The following UBE2E2 variants were observed in gnomAD, a reference collection of about 807,000 sequenced individuals.
UBE2E2 encodes ubiquitin conjugating enzyme E2 E2, also known as ubiquitin-conjugating enzyme E2 E2.
Under a neutral mutation model 24.7 loss-of-function variants are expected in UBE2E2, and 6 were observed. The observed-to-expected ratio is 0.24, with a 90% confidence interval of 0.13 to 0.48. The LOEUF (loss-of-function observed/expected upper bound fraction) is 0.48, where lower values mean the gene tolerates loss of function less well. Ranked by LOEUF, UBE2E2 falls within the 20% of genes least tolerant of loss-of-function variation. The pLI is 0.99. For missense variants in UBE2E2, 169 were observed against 245.0 expected (o/e 0.69, Z 2.07); for synonymous variants, 104 against 83.6 (o/e 1.24, Z -1.33).
At chr3:23,523,050 AT>A (rs1694905428) in intron 4 of UBE2E2, among the ~76,000 whole-genome samples, 1 of 152,226 alleles carries the variant, frequency 6.6e-6, no homozygotes, top group Non-Finnish European at 1.5e-5. Flanking sequence ...AGATAAAAAA[AT>A]GAAATATGAA....
intron 3 of UBE2E2, among the ~76,000 whole-genome samples, chr3:23,303,858 G>T (rs1575547131): frequency 6.6e-6 from 1 of 152,006 alleles, no homozygotes; most frequent in Non-Finnish European, 1.5e-5. Flanking sequence ...AAGTTCTCAG[G>T]GCTCTCCTCA....
At chr3:23,451,467 C>G (rs1299784235) in intron 3 of UBE2E2, among the ~76,000 whole-genome samples, 6 of 152,186 alleles carry the variant, frequency 3.9e-5, no homozygotes, top group Non-Finnish European at 8.8e-5. Flanking sequence ...CTGAGCTGAT[C>G]GGTGTGGCAG....
At chr3:23,337,957 G>C (rs1353418864) in intron 3 of UBE2E2, among the ~76,000 whole-genome samples, 1 of 152,146 alleles carries the variant, frequency 6.6e-6, no homozygotes, top group African/African-American at 2.4e-5. Context: ...ATGACCAAAG[G>C]CTGTGGCGGC....
In UBE2E2 at chr3:23,241,715, C is replaced by G. The variant is rs151184682; in HGVS notation, c.227+24403C>G. ...ACTTCTATCAGTTTCTTATGATTAA[C>G]TGTGTTGTGTATTCCCTCCCATTAG... On this transcript the variant is annotated intron_variant, in intron 3 of 5. Coordinates refer to ENST00000396703, the MANE Select transcript of UBE2E2 (RefSeq NM_152653.4). Among the ~76,000 whole-genome samples, 965 of 152,276 alleles carry G rather than the reference C, an allele frequency of 6.3e-3. 14 individuals are homozygous for G. The highest frequency in any genetic ancestry group is 0.021 in the African/African-American group (893 of 41,550).
chr3:23,554,889 CAT>C (rs1352408385), intron 5 of UBE2E2, among the ~76,000 whole-genome samples: 5 of 151,702 alleles, frequency 3.3e-5, no homozygotes, highest in Admixed American at 2.6e-4. Context: ...AGCAAGAAAA[CAT>C]ATAATCCACT....
At chr3:23,319,852 A>AC (rs1559346311) in intron 3 of UBE2E2, among the ~76,000 whole-genome samples, 1 of 151,872 alleles carries the variant, frequency 6.6e-6, no homozygotes, top group East Asian at 1.9e-4. Context: ...ACAAAAAAAA[A>AC]CCCAAAAAAC....
At chr3:23,459,011 T>C (rs1698744353) in intron 3 of UBE2E2, among the ~76,000 whole-genome samples, 2 of 152,246 alleles carry the variant, frequency 1.3e-5, no homozygotes, top group Non-Finnish European at 2.9e-5. Flanking sequence ...GATTTGATAA[T>C]TCTGATTCCA....
rs528471211 is a variant in UBE2E2, at chr3:23,398,568, C to A, written c.228-101040C>A. Among the ~76,000 whole-genome samples the A allele has an allele frequency of 3.3e-5, 5 of 152,152 alleles. No individual in the cohort carries two copies. The East Asian group carries it at 9.6e-4, about 29-fold the overall frequency. On this transcript the variant is annotated intron_variant, in intron 3 of 5. Coordinates refer to ENST00000396703, the MANE Select transcript of UBE2E2 (RefSeq NM_152653.4). ...GAATACTTGTGGAGAACTGAGTATA[C>A]ATTATAGGTATGTATATTAAAGGAA...
chr3:23,481,077 T>A lies in UBE2E2; in HGVS notation c.228-18531T>A, dbSNP rs184528115. ...ATCAATGGCTTTTGTAATCTTAACA[T>A]ATAAATAATGAGAGTTAGATTTGGA... On this transcript the variant is annotated intron_variant, in intron 3 of 5. Transcript: ENST00000396703. Among the ~76,000 whole-genome samples the A allele has an allele frequency of 1.6e-4, 25 of 152,338 alleles. 1 individual carries two copies. The highest frequency in any genetic ancestry group is 1.3e-3 in the East Asian group (7 of 5,188).
intron 3 of UBE2E2, among the ~76,000 whole-genome samples, chr3:23,399,826 T>G (rs1697174589): frequency 6.6e-6 from 1 of 152,234 alleles, no homozygotes; most frequent in Non-Finnish European, 1.5e-5. Context: ...AACATTTTTA[T>G]TCACATTAAT....
chr3:23,300,465 T>C (rs1438398419), intron 3 of UBE2E2, among the ~76,000 whole-genome samples: 1 of 152,180 alleles, frequency 6.6e-6, no homozygotes, highest in Non-Finnish European at 1.5e-5. Context: ...AGGAGCTCTT[T>C]TAGGGCAGGC....
chr3:23,283,663 G>A (rs927431315), intron 3 of UBE2E2, among the ~76,000 whole-genome samples: 6 of 152,194 alleles, frequency 3.9e-5, no homozygotes, highest in African/African-American at 7.2e-5. Flanking sequence ...AGCTGGTGGA[G>A]GATCGCTTGA....
intron 3 of UBE2E2, among the ~76,000 whole-genome samples, chr3:23,328,220 A>G (rs1167765888): frequency 6.6e-6 from 1 of 152,206 alleles, no homozygotes; most frequent in African/African-American, 2.4e-5. Context: ...GCAAAATAAA[A>G]AATTACATTA....
chr3:23,420,235 C>G (rs897764771), intron 3 of UBE2E2, among the ~76,000 whole-genome samples: 6 of 152,142 alleles, frequency 3.9e-5, no homozygotes, highest in African/African-American at 1.4e-4. Context: ...TGACACAGTG[C>G]ATTGCATATT....
intron 3 of UBE2E2, among the ~76,000 whole-genome samples, chr3:23,218,129 C>T (rs539186258): frequency 6.6e-6 from 1 of 151,982 alleles, no homozygotes; most frequent in Admixed American, 6.6e-5. Flanking sequence ...AAAAATTTTC[C>T]CAACGTTGAA....
At position 23,203,479 on chromosome 3, in the gene UBE2E2, C is replaced by T. The variant is rs1696024884; in HGVS notation, c.-9+15C>T. 3 of 980,536 alleles carry T rather than the reference C, an allele frequency of 3.1e-6. No individual in the cohort carries two copies. Among genetic ancestry groups the T allele is most frequent in the Non-Finnish European group, 3.6e-6 (3 of 828,944 alleles). 60.7% of individuals were successfully genotyped at this position (980,536 alleles called of 1,614,324 possible). On this transcript the variant is annotated intron_variant, in intron 1 of 5. Coordinates refer to ENST00000396703, the MANE Select transcript of UBE2E2 (RefSeq NM_152653.4). Reference sequence around the variant, plus strand: ...CCCCCCCTCAGGTATTCGCTCGGGCCGCGCCGGTGCCTCCCCTCCTCGGGC... The same window carrying T: ...CCCCCCCTCAGGTATTCGCTCGGGCTGCGCCGGTGCCTCCCCTCCTCGGGC...
chr3:23,446,055 A>G (rs913045768), intron 3 of UBE2E2, among the ~76,000 whole-genome samples: 1 of 152,168 alleles, frequency 6.6e-6, no homozygotes, highest in Non-Finnish European at 1.5e-5. Flanking sequence ...CATGAGATCC[A>G]TTGGTCACAG....
At chr3:23,232,052 A>T (rs892260090) in intron 3 of UBE2E2, among the ~76,000 whole-genome samples, 1 of 152,160 alleles carries the variant, frequency 6.6e-6, no homozygotes, top group African/African-American at 2.4e-5. Flanking sequence ...CTTAGGCATG[A>T]TTGATTAAAT....
chr3:23,346,311 A>G lies in UBE2E2; in HGVS notation c.227+128999A>G, dbSNP rs530485564. 4.3e-4 allele frequency among the ~76,000 whole-genome samples: 66 copies of G among 152,316 alleles called. 1 individual carries two copies. Among genetic ancestry groups the G allele is most frequent in the Middle Eastern group, 3.4e-3 (1 of 294 alleles). On this transcript the variant is annotated intron_variant, in intron 3 of 5. Coordinates refer to ENST00000396703, the MANE Select transcript of UBE2E2 (RefSeq NM_152653.4). Reference sequence around the variant, plus strand: ...CCCTTAGTTGAATCGTTAATATCCTAGATAGTAAAAGATTAGTACCTTTTA... The same window carrying G: ...CCCTTAGTTGAATCGTTAATATCCTGGATAGTAAAAGATTAGTACCTTTTA...
Sources: allele counts gnomAD v4.1 joint callset (sites outside exome capture counted in the v4.1 genomes callset), GRCh38; gene constraint gnomAD v4.1.1; transcripts MANE v1.5; gene names NCBI Gene and HGNC (gene_info 2026-07-23, HGNC 2026-07-21).